SOCS3: variants seen among roughly 807,000 people sequenced by gnomAD.
SOCS3 encodes suppressor of cytokine signaling 3, also known as STAT-induced STAT inhibitor 3.
SOCS3 carries 5 observed loss-of-function variants against 11.7 expected under a neutral mutation model. The ratio of observed to expected loss-of-function variants is 0.43; its 90% CI spans 0.22 to 0.90. SOCS3 has a LOEUF of 0.90. SOCS3 is among the 40% of genes least tolerant of loss of function. The pLI is 0.27. For synonymous variants in SOCS3, 143 were observed against 136.3 expected (o/e 1.05, Z -0.34); for missense variants, 203 against 302.0 (o/e 0.67, Z 2.43).
chr17:78,360,312 G>T (rs2081602659), upstream of SOCS3: 1 of 150,790 alleles, frequency 6.6e-6, no homozygotes, highest in Non-Finnish European at 1.5e-5. The surrounding 1 kb of genome is among the most constrained non-coding windows in gnomAD (Gnocchi z 5.6). Context: ...CGAGGCGGCC[G>T]GTGGGCGCGG....
rs2081583607 is a variant in SOCS3, at chr17:78,358,365, G to A, written c.*53C>T. ...TGTGCTTGTGCCATGTGCCACGGAGGAGAGGGGCCTGCGTCCCCTCTCCCG... is the reference window on the plus strand; with the variant it reads ...TGTGCTTGTGCCATGTGCCACGGAGAAGAGGGGCCTGCGTCCCCTCTCCCG... On this transcript the variant is annotated 3_prime_UTR_variant, in exon 2 of 2. Coordinates refer to ENST00000330871, the MANE Select transcript of SOCS3 (RefSeq NM_003955.5). The surrounding 1 kb of genome is among the most constrained non-coding windows in gnomAD (Gnocchi z 4.7). 1 of 1,574,518 alleles carries A rather than the reference G, an allele frequency of 6.4e-7. No individual in the cohort carries two copies. The highest frequency in any genetic ancestry group is 8.7e-7 in the Non-Finnish European group (1 of 1,146,312).
chr17:78,360,178 C>G (rs1277303168), upstream of SOCS3: 1 of 153,426 alleles, frequency 6.5e-6, no homozygotes, highest in African/African-American at 2.4e-5. This position sits in a 1 kb window ranked among gnomAD's most constrained non-coding sequence, Gnocchi z 5.6. Context: ...TTAGTCACTA[C>G]TCGCAGCAGA....
chr17:78,359,971 ACCGCGGCAAGGGG>A lies in SOCS3; in HGVS notation c.-323_-311del. On this transcript the variant is annotated 5_prime_UTR_variant, in exon 1 of 2. Coordinates refer to ENST00000330871, the MANE Select transcript of SOCS3 (RefSeq NM_003955.5). Reference sequence around the variant, plus strand: ...CAACCGGGAGGGGACCAGGAGAGGGACCGCGGCAAGGGGCCGCGGCGGGAGCTGGGCCGGGCGG... The same window carrying A: ...CAACCGGGAGGGGACCAGGAGAGGGACCGCGGCGGGAGCTGGGCCGGGCGG... 5.3e-6 allele frequency: 1 copy of A among 189,932 alleles called. No homozygotes were observed. Among genetic ancestry groups the A allele is most frequent in the Admixed American group, 6.2e-5 (1 of 16,068 alleles). The allele number at this position is 189,932 out of a possible 1,614,324, so 11.8% of individuals were successfully genotyped here.
rs958912314 is a variant in SOCS3 at position 78,358,107 on chromosome 17, T to C, written c.*311A>G. ...AGTTCAGCATTCCCGAAGTGTCCCC[T>C]GTTTGGAGGCAGAGGGGAAGCTGAG... On this transcript the variant is annotated 3_prime_UTR_variant, in exon 2 of 2. Coordinates refer to ENST00000330871, the MANE Select transcript of SOCS3 (RefSeq NM_003955.5). This position sits in a 1 kb window ranked among gnomAD's most constrained non-coding sequence, Gnocchi z 4.7. 2.6e-6 allele frequency: 1 copy of C among 391,988 alleles called. No homozygotes were observed. The highest frequency in any genetic ancestry group is 4.7e-6 in the Non-Finnish European group (1 of 212,026). 24.3% of individuals were successfully genotyped at this position (391,988 alleles called of 1,614,324 possible). A position where few individuals can be genotyped will look rare whatever the true frequency, so the allele number is the denominator to read the frequency against.
chr17:78,358,855 T>C lies in SOCS3; in HGVS notation c.241A>G (p.Thr81Ala), dbSNP rs552915529. 6.2e-7 allele frequency: 1 copy of C among 1,612,684 alleles called. No individual in the cohort carries two copies. The highest frequency in any genetic ancestry group is 1.1e-5 in the South Asian group (1 of 90,962). The change falls in exon 2 of 2, where the codon ACG becomes GCG. Residue 81 changes from threonine (T) to alanine (A), a missense_variant. Thr to Ala is a moderately conservative substitution (Grantham distance 58, BLOSUM62 0). This residue lies in a region of SOCS3 where 141 missense variants were observed against 200.5 expected (regional missense o/e 0.70). Transcript: ENST00000330871. This position sits in a 1 kb window ranked among gnomAD's most constrained non-coding sequence, Gnocchi z 4.7. ...RDSSDQRHFF[T>A]LSVKTQSGTK... ...CCAGACTGGGTCTTGACGCTGAGCG[T>C]GAAGAAGTGGCGCTGGTCCGAGCTG... is the stretch of plus-strand genomic sequence containing the variant.
rs72899753 is a variant in SOCS3, at chr17:78,358,388, C to T, written c.*30G>A. ...AGGAGAGGGGCCTGCGTCCCCTCTCCCGACCCATGCCCTTTGCGCCCTTTA... is the reference window on the plus strand; with the variant it reads ...AGGAGAGGGGCCTGCGTCCCCTCTCTCGACCCATGCCCTTTGCGCCCTTTA... On this transcript the variant is annotated 3_prime_UTR_variant, in exon 2 of 2. Transcript: ENST00000330871. This position sits in a 1 kb window ranked among gnomAD's most constrained non-coding sequence, Gnocchi z 4.7. The T allele has an allele frequency of 8.6e-3, 13,818 of 1,610,402 alleles. 84 individuals are homozygous for T. Among genetic ancestry groups the T allele is most frequent in the Non-Finnish European group, 0.01 (11,802 of 1,177,552 alleles).
At chr17:78,359,244 C>T (rs957700426) in intron 1 of SOCS3, 61 bp from the exon 2 acceptor site, 1 of 742,866 alleles carries the variant, frequency 1.3e-6, no homozygotes, top group Non-Finnish European at 2.0e-6. Context: ...GCCCGGCCCG[C>T]CCCGGCTCCC....
chr17:78,358,067 C>G lies in SOCS3; in HGVS notation c.*351G>C, dbSNP rs2081581165. On this transcript the variant is annotated 3_prime_UTR_variant, in exon 2 of 2. Transcript: ENST00000330871. The surrounding 1 kb of genome is among the most constrained non-coding windows in gnomAD (Gnocchi z 4.7). ...TTCCGTTGGAAAGTTTGAAGATTCCCTGGCAGTTCTCATTAGTTCAGCATT... is the reference window on the plus strand; with the variant it reads ...TTCCGTTGGAAAGTTTGAAGATTCCGTGGCAGTTCTCATTAGTTCAGCATT... The G allele has an allele frequency of 1.1e-5, 3 of 264,766 alleles. No individual in the cohort carries two copies. The South Asian group carries it at 1.8e-4, about 16-fold the overall frequency. 16.4% of individuals were successfully genotyped at this position (264,766 alleles called of 1,614,324 possible).
chr17:78,358,910 G>C lies in SOCS3; in HGVS notation c.186C>G (p.Ala62=), dbSNP rs1414458611. 4 of 1,603,660 alleles carry C rather than the reference G, an allele frequency of 2.5e-6. No individual in the cohort carries two copies. The highest frequency in any genetic ancestry group is 2.3e-5 in the East Asian group (1 of 44,416). ...GGATCAGAAAGGTGCCGGCGGGCTC[G>C]GCACTGAGCAGCAGGTTCGCCTCGC... The part of the protein sequence containing the change: ...TGGEANLLLS[A]EPAGTFLIRD... Residue 62 remains alanine (A), a synonymous_variant, in exon 2 of 2, where the codon GCC becomes GCG. Coordinates refer to ENST00000330871, the MANE Select transcript of SOCS3 (RefSeq NM_003955.5). The surrounding 1 kb of genome is among the most constrained non-coding windows in gnomAD (Gnocchi z 4.7).
chr17:78,360,606 A>C (rs1047434517), upstream of SOCS3: 1 of 152,152 alleles, frequency 6.6e-6, no homozygotes, highest in African/African-American at 2.4e-5. The surrounding 1 kb of genome is among the most constrained non-coding windows in gnomAD (Gnocchi z 5.6). Context: ...GGGCCAGCCG[A>C]AAGGGAAGTG....
rs1420702791 is a variant in SOCS3, at chr17:78,357,700, AC to A, written c.*717del. On this transcript the variant is annotated 3_prime_UTR_variant, in exon 2 of 2. Coordinates refer to ENST00000330871, the MANE Select transcript of SOCS3 (RefSeq NM_003955.5). The surrounding 1 kb of genome is among the most constrained non-coding windows in gnomAD (Gnocchi z 7.0). ...ATGAGTAGGAAAAGGAGACCAGCTG[AC>A]CAGCCCATCCATCCCCTCCAAATGT... is the stretch of plus-strand genomic sequence containing the variant. 1 of 152,486 alleles carries A rather than the reference AC, an allele frequency of 6.6e-6. No individual in the cohort carries two copies. The highest frequency in any genetic ancestry group is 1.5e-5 in the Non-Finnish European group (1 of 68,260). The allele number at this position is 152,486 out of a possible 1,614,324, so 9.4% of individuals were successfully genotyped here.
upstream of SOCS3, chr17:78,360,672 G>A (rs1442391457): frequency 6.6e-6 from 1 of 152,068 alleles, no homozygotes; most frequent in Admixed American, 6.6e-5. This position sits in a 1 kb window ranked among gnomAD's most constrained non-coding sequence, Gnocchi z 5.6. Flanking sequence ...GCCGGAGGTT[G>A]GAGACGTGCG....
Position 78,359,028 on chromosome 17 carries a change from T to C in SOCS3, c.68A>G (p.Lys23Arg). Residue 23 changes from lysine to arginine, a missense_variant, in exon 2 of 2, where the codon AAG becomes AGG. Physicochemically the swap from Lys to Arg is conservative, Grantham distance 26. Around this residue, in one of 3 missense-constraint regions of SOCS3, gnomAD observed 57 missense variants for 74.2 expected, o/e 0.77. Transcript: ENST00000330871. The stretch of plus-strand genomic sequence containing the variant: ...GTACTCGCTCTTGGAGCTGAAGGTC[T>C]TGAGGCGCAGGCTGGTGTCCAGGGG... Reference protein sequence around the residue: ...SRPLDTSLRLKTFSSKSEYQL... With the variant: ...SRPLDTSLRLRTFSSKSEYQL... 6.3e-7 allele frequency: 1 copy of C among 1,575,528 alleles called. No individual in the cohort carries two copies. Among genetic ancestry groups the C allele is most frequent in the Non-Finnish European group, 8.6e-7 (1 of 1,160,046 alleles).
intron 1 of SOCS3, 64 bp from the exon 2 acceptor site, chr17:78,359,247 C>T (rs985549825): frequency 1.2e-5 from 9 of 736,934 alleles, no homozygotes; most frequent in Non-Finnish European, 1.6e-5. Flanking sequence ...CGGCCCGCCC[C>T]GGCTCCCCTG....
rs777084096 is a variant in SOCS3, at chr17:78,358,529, A to C, written c.567T>G (p.Leu189=). 1 of 1,613,562 alleles carries C rather than the reference A, an allele frequency of 6.2e-7. No homozygotes were observed. Among genetic ancestry groups the C allele is most frequent in the Admixed American group, 1.7e-5 (1 of 59,996 alleles). The change falls in exon 2 of 2, where the codon CTT becomes CTG. Residue 189 remains leucine (L), a synonymous_variant. Transcript: ENST00000330871. The surrounding 1 kb of genome is among the most constrained non-coding windows in gnomAD (Gnocchi z 4.7). ...SRPLSSNVAT[L]QHLCRKTVNG... ...TGACGGTCTTCCGACAGAGATGCTG[A>C]AGAGTGGCCACGTTGGAGGAGAGGG... is the stretch of plus-strand genomic sequence containing the variant.
rs1471680490 is a variant in SOCS3, at chr17:78,358,172, C to T, written c.*246G>A. On this transcript the variant is annotated 3_prime_UTR_variant, in exon 2 of 2. Transcript: ENST00000330871. This position sits in a 1 kb window ranked among gnomAD's most constrained non-coding sequence, Gnocchi z 4.7. Reference sequence around the variant, plus strand: ...TCCACTTGTGGTTGCTATCGTCCCACCAGGACAGCTGGCTCCTCCGGAGAA... The same window carrying T: ...TCCACTTGTGGTTGCTATCGTCCCATCAGGACAGCTGGCTCCTCCGGAGAA... 24 of 537,098 alleles carry T rather than the reference C, an allele frequency of 4.5e-5. No homozygotes were observed. The highest frequency in any genetic ancestry group is 2.3e-5 in the Non-Finnish European group (7 of 299,650). 33.3% of individuals were successfully genotyped at this position (537,098 alleles called of 1,614,324 possible).
In SOCS3 at chr17:78,357,092, G is replaced by T; in HGVS notation, c.*1326C>A. 1 of 152,216 alleles carries T rather than the reference G, an allele frequency of 6.6e-6. No homozygotes were observed. The highest frequency in any genetic ancestry group is 2.1e-4 in the South Asian group (1 of 4,808). 9.4% of individuals were successfully genotyped at this position (152,216 alleles called of 1,614,324 possible). A position where few individuals can be genotyped will look rare whatever the true frequency, so the allele number is the denominator to read the frequency against. On this transcript the variant is annotated 3_prime_UTR_variant, in exon 2 of 2. Transcript: ENST00000330871. The surrounding 1 kb of genome is among the most constrained non-coding windows in gnomAD (Gnocchi z 7.0). Reference sequence around the variant, plus strand: ...CAATACCTGACACAGAATACTTTGTGTTTGTTTAGTTGCCCCCCCCCACAA... The same window carrying T: ...CAATACCTGACACAGAATACTTTGTTTTTGTTTAGTTGCCCCCCCCCACAA...
Position 78,359,152 on chromosome 17 carries a change from C to G in SOCS3, c.-57G>C, listed in dbSNP as rs1598182482. 3 of 1,493,680 alleles carry G rather than the reference C, an allele frequency of 2.0e-6. No individual in the cohort carries two copies. The East Asian group carries it at 7.5e-5, about 37-fold the overall frequency. 92.5% of individuals were successfully genotyped at this position (1,493,680 alleles called of 1,614,324 possible). A position where few individuals can be genotyped will look rare whatever the true frequency, so the allele number is the denominator to read the frequency against. On this transcript the variant is annotated 5_prime_UTR_variant, in exon 2 of 2. Transcript: ENST00000330871. The stretch of plus-strand genomic sequence containing the variant: ...GGCGGCTGCAGCTGCTTCGCGGCCT[C>G]CGCACAGCGGCCGCTACCGCATCCC...
At chr17:78,360,368 C>G (rs1386924583), upstream of SOCS3, 1 of 151,058 alleles carries the variant, frequency 6.6e-6, no homozygotes, top group Non-Finnish European at 1.5e-5. The surrounding 1 kb of genome is among the most constrained non-coding windows in gnomAD (Gnocchi z 5.6). Flanking sequence ...CTCCCCGCCG[C>G]GCGCTCCGCC....
Sources: gnomAD v4.1 joint callset for allele counts on GRCh38, gnomAD v4.1.1 for gene constraint, gnomAD v4.1.1 regional missense constraint, Gnocchi (gnomAD v3.1) non-coding constraint, MANE v1.5 for transcripts, NCBI Gene and HGNC (gene_info 2026-07-23, HGNC 2026-07-21) for gene names.